Variants in ADCY9 observed in about 807,000 individuals in gnomAD.
ADCY9 encodes adenylate cyclase type 9.
A neutral mutation model predicts 101.5 loss-of-function variants in ADCY9; 50 were observed. The ratio of observed to expected loss-of-function variants is 0.49; its 90% CI spans 0.39 to 0.62. The LOEUF is 0.62. ADCY9 is among the 20% of genes least tolerant of loss of function. The pLI, the probability that ADCY9 is intolerant of heterozygous loss-of-function variation, is 0.00. For synonymous variants in ADCY9, 905 were observed against 769.3 expected, an observed-to-expected ratio of 1.18 and a Z score of -2.92; for missense variants, 1,662 against 1,800.4, an observed-to-expected ratio of 0.92 and a Z score of 1.39.
intron 7 of ADCY9, among the ~76,000 whole-genome samples, chr16:3,979,980 G>T (rs1323577605): frequency 6.6e-6 from 1 of 152,244 alleles, no homozygotes; most frequent in African/African-American, 2.4e-5. Context: ...GCTGTTTGGG[G>T]CATCATCATC....
chr16:4,097,487 T>TATATATATATATACACACACACAC (rs76750792), intron 2 of ADCY9, among the ~76,000 whole-genome samples: 13 of 72,502 alleles, frequency 1.8e-4, no homozygotes, highest in Non-Finnish European at 2.1e-4. Context: ...TATATATATA[T>TATATATATATATACACACACACAC]ACACACACAC....
chr16:4,045,382 G>A (rs1204679769), intron 2 of ADCY9, among the ~76,000 whole-genome samples: 1 of 151,954 alleles, frequency 6.6e-6, no homozygotes, highest in Non-Finnish European at 1.5e-5. Flanking sequence ...AGATCACAAG[G>A]TCAGGAGTTC....
At chr16:4,037,844 G>C (rs953372277) in intron 2 of ADCY9, among the ~76,000 whole-genome samples, 21 of 152,252 alleles carry the variant, frequency 1.4e-4, no homozygotes, top group African/African-American at 5.1e-4. Context: ...GCAGTGAACA[G>C]ACGTGAGGCC....
intron 2 of ADCY9, among the ~76,000 whole-genome samples, chr16:4,043,047 T>C (rs2601801): frequency 0.89 from 134,427 of 151,868 alleles, 59,588 homozygotes; most frequent in South Asian, 0.97. Context: ...CTGACTAACA[T>C]GCTGAAACCT....
At chr16:3,957,043 G>A (rs979394465) in intron 5 of ADCY9, among the ~76,000 whole-genome samples, 23 of 152,070 alleles carry the variant, frequency 1.5e-4, no homozygotes, top group Non-Finnish European at 2.5e-4. Flanking sequence ...ATTTTTCCTC[G>A]TGGTCACTTT....
In ADCY9 at chr16:3,969,853, C is replaced by T. The variant is rs115491801; in HGVS notation, c.2871-2887G>A. Among the ~76,000 whole-genome samples the T allele has an allele frequency of 4.9e-3, 742 of 151,516 alleles. 3 individuals carry two copies. The highest frequency in any genetic ancestry group is 0.017 in the African/African-American group (695 of 41,322). On this transcript the variant is annotated intron_variant, in intron 10 of 10. Transcript: ENST00000294016. ...CTGGTCTCAAACTCCTGGGTTCAAA[C>T]TGTTCTGCTTCTGCCTCCCCAGTGT...
chr16:4,102,317 G>C (rs407642), intron 2 of ADCY9, among the ~76,000 whole-genome samples: 38,278 of 151,948 alleles, frequency 0.25, 5,367 homozygotes, highest in Non-Finnish European at 0.31. Context: ...CCATACAACC[G>C]AGAATTAAGC....
chr16:3,983,010 C>T (rs950237441), intron 7 of ADCY9: 4 of 585,860 alleles, frequency 6.8e-6, no homozygotes, highest in Non-Finnish European at 1.2e-5. Context: ...GCTGTGGAGG[C>T]ACCGCCCCCT....
At chr16:3,996,369 T>C (rs1354137735) in intron 3 of ADCY9, among the ~76,000 whole-genome samples, 1 of 152,110 alleles carries the variant, frequency 6.6e-6, no homozygotes, top group African/African-American at 2.4e-5. Flanking sequence ...TCAAAATACA[T>C]ATATATATGT....
In ADCY9 at chr16:4,099,620, AG is replaced by A. The variant is rs1333499182; in HGVS notation, c.1693+14129del. On this transcript the variant is annotated intron_variant, in intron 2 of 10. Transcript: ENST00000294016. ...GAAGAGGACTCAGCAGCCAACTTAA[AG>A]GGGCTCCCATGGGCCCCAAATGGGA... Among the ~76,000 whole-genome samples the A allele has an allele frequency of 1.2e-4, 19 of 152,368 alleles. No homozygotes were observed. The East Asian group carries it at 3.7e-3, about 29-fold the overall frequency.
chr16:4,056,864 G>A (rs935531016), intron 2 of ADCY9, among the ~76,000 whole-genome samples: 7 of 152,178 alleles, frequency 4.6e-5, no homozygotes, highest in African/African-American at 1.7e-4. Flanking sequence ...CAGGTTGCCT[G>A]TTCTGAAGCT....
chr16:4,054,109 G>A (rs547007011), intron 2 of ADCY9: 4 of 152,072 alleles, frequency 2.6e-5, no homozygotes, highest in South Asian at 2.1e-4. Flanking sequence ...GATGGCTCAC[G>A]AAAGCAGGAT....
intron 5 of ADCY9, among the ~76,000 whole-genome samples, chr16:3,956,213 T>C (rs1440692163): frequency 6.6e-6 from 1 of 152,124 alleles, no homozygotes; most frequent in Non-Finnish European, 1.5e-5. Flanking sequence ...GTCATATTTT[T>C]TTTCACCTGA....
At position 4,097,380 on chromosome 16, in the gene ADCY9, A is replaced by C. The variant is rs145991107; in HGVS notation, c.1693+16370T>G. Among the ~76,000 whole-genome samples, 865 of 147,136 alleles carry C rather than the reference A, an allele frequency of 5.9e-3. 4 individuals carry two copies. The highest frequency in any genetic ancestry group is 8.0e-3 in the Non-Finnish European group (534 of 67,030). On this transcript the variant is annotated intron_variant, in intron 2 of 10. Transcript: ENST00000294016. ...GCAAAGCGGTTACTGCCTTTCCTCT[A>C]CCTGGAGGCTTGTTCTGTGTAGATG...
At chr16:4,082,977 G>A (rs1052931984) in intron 2 of ADCY9, among the ~76,000 whole-genome samples, 1 of 152,194 alleles carries the variant, frequency 6.6e-6, no homozygotes, top group African/African-American at 2.4e-5. Flanking sequence ...AGATATCACT[G>A]TGTCATTCGG....
chr16:3,955,057 T>C (rs2141660919), intron 5 of ADCY9, among the ~76,000 whole-genome samples: 1 of 152,208 alleles, frequency 6.6e-6, no homozygotes, highest in East Asian at 1.9e-4. Flanking sequence ...GAAGAGAAAG[T>C]GGACCCTGGT....
At chr16:4,002,802 C>T (rs1177141978) in intron 3 of ADCY9, among the ~76,000 whole-genome samples, 1 of 152,184 alleles carries the variant, frequency 6.6e-6, no homozygotes, top group Non-Finnish European at 1.5e-5. Context: ...GCAACCTTCA[C>T]CTACTAGGTT....
At chr16:4,058,378 T>C (rs1008305516) in intron 2 of ADCY9, among the ~76,000 whole-genome samples, 1 of 148,330 alleles carries the variant, frequency 6.7e-6, no homozygotes, top group African/African-American at 2.5e-5. Flanking sequence ...GGCAGGAGAA[T>C]CACTTGAACC....
At chr16:4,053,141 T>C (rs1339654684) in intron 2 of ADCY9, among the ~76,000 whole-genome samples, 1 of 152,216 alleles carries the variant, frequency 6.6e-6, no homozygotes, top group Admixed American at 6.5e-5. Context: ...AACGTGATTA[T>C]TCAATGGGCA....
Sources: gnomAD v4.1 joint callset for allele counts (sites outside exome capture counted in the v4.1 genomes callset) on GRCh38, gnomAD v4.1.1 for gene constraint, MANE v1.5 for transcripts, NCBI Gene and HGNC (gene_info 2026-07-23, HGNC 2026-07-21) for gene names.